PDE4C: variants seen among roughly 807,000 people sequenced by gnomAD.
The protein encoded by PDE4C is 3',5'-cyclic-AMP phosphodiesterase 4C.
A neutral mutation model predicts 63.9 loss-of-function variants in PDE4C; 50 were observed. The ratio of observed to expected loss-of-function variants is 0.78; its 90% CI spans 0.62 to 0.99. The LOEUF is 0.99. PDE4C is among the 50% of genes least tolerant of loss of function. PDE4C has a pLI of 0.00. For synonymous variants in PDE4C, 377 were observed against 385.1 expected, an observed-to-expected ratio of 0.98 and a Z score of 0.25; for missense variants, 777 against 899.1, an observed-to-expected ratio of 0.86 and a Z score of 1.74.
intron 1 of PDE4C, among the ~76,000 whole-genome samples, chr19:18,223,172 A>T (rs1255466295): frequency 6.7e-6 from 1 of 149,856 alleles, no homozygotes; most frequent in African/African-American, 2.5e-5. Context: ...CCTCCCAAGT[A>T]GCTGGGATTA....
chr19:18,249,254 C>A (rs1026055715), upstream of PDE4C, among the ~76,000 whole-genome samples: 1 of 152,118 alleles, frequency 6.6e-6, no homozygotes, highest in Non-Finnish European at 1.5e-5. Flanking sequence ...CAGTGGTAAG[C>A]CACCATGCCC....
intron 3 of PDE4C, 31 bp downstream of exon 3, chr19:18,221,230 G>A (rs747203890): frequency 6.4e-7 from 1 of 1,558,122 alleles, no homozygotes; most frequent in Admixed American, 2.2e-5. Context: ...ATCCGGAGGG[G>A]GTCAGGGCAG....
chr19:18,221,694 G>A (rs935709595), intron 2 of PDE4C, among the ~76,000 whole-genome samples: 4 of 152,000 alleles, frequency 2.6e-5, no homozygotes, highest in Non-Finnish European at 5.9e-5. Flanking sequence ...GTGCCATCTC[G>A]GCTCACTACA....
At chr19:18,221,275 T>G in exon 3 of PDE4C, 1 of 1,543,794 alleles carries the variant, frequency 6.5e-7, no homozygotes. Context: ...GCAAAGGGCG[T>G]CACAATCATG....
At chr19:18,224,160 G>A in intron 1 of PDE4C, 1 of 964,892 alleles carries the variant, frequency 1.0e-6, no homozygotes, top group Non-Finnish European at 1.2e-6. Flanking sequence ...CTTTCCCTCT[G>A]GCTCCTCCTC....
chr19:18,217,153 G>A, intron 11 of PDE4C: 1 of 352,164 alleles, frequency 2.8e-6, no homozygotes, highest in Non-Finnish European at 5.1e-6. Flanking sequence ...TGAGTACTCA[G>A]TAATGTTTTT....
At chr19:18,242,475 CAAAAAAAAAAAAAAA>C (rs748870873) in intron 1 of PDE4C, among the ~76,000 whole-genome samples, 4 of 29,806 alleles carry the variant, frequency 1.3e-4, no homozygotes, top group African/African-American at 4.2e-4. Context: ...GACTCCATCT[CAAAAAAAAAAAAAAA>C]AAAAAAAAAA....
chr19:18,218,892 G>C, intron 9 of PDE4C, 48 bp downstream of exon 9: 1 of 1,335,818 alleles, frequency 7.5e-7, no homozygotes, highest in South Asian at 1.2e-5. Flanking sequence ...GAAGCAGTGA[G>C]GGAAACCCCA....
upstream of PDE4C, chr19:18,252,034 C>T (rs1969236155): frequency 2.5e-6 from 1 of 398,736 alleles, no homozygotes; most frequent in Admixed American, 4.4e-5. Flanking sequence ...CGCCACCTCC[C>T]TACAAACACC....
chr19:18,242,457 CA>C (rs1370951692), intron 1 of PDE4C, among the ~76,000 whole-genome samples: 1 of 79,654 alleles, frequency 1.3e-5, no homozygotes, highest in Non-Finnish European at 2.2e-5. Context: ...GCCTGGGCAA[CA>C]AAGGGAGACT....
upstream of PDE4C, chr19:18,252,425 A>C (rs1185338881): frequency 2.5e-6 from 1 of 398,916 alleles, no homozygotes; most frequent in African/African-American, 2.1e-5. Context: ...AAGAAATCAG[A>C]GAGCTGACAG....
chr19:18,214,682 C>T (rs1010055039), intron 12 of PDE4C, among the ~76,000 whole-genome samples: 7 of 152,100 alleles, frequency 4.6e-5, no homozygotes, highest in African/African-American at 1.7e-4. Context: ...GGCGCCGTGG[C>T]TCACACCTGT....
chr19:18,221,783 C>T (rs2148029829), intron 2 of PDE4C, among the ~76,000 whole-genome samples: 1 of 152,186 alleles, frequency 6.6e-6, no homozygotes, highest in South Asian at 2.1e-4. Context: ...CGCCACCACA[C>T]CTGGCTAATT....
chr19:18,209,700 C>G (rs201036552), downstream of PDE4C: 118 of 19,470 alleles, frequency 6.1e-3, no homozygotes, highest in African/African-American at 0.014. Context: ...TTTTTTTTTT[C>G]TTTTCTTTTT....
intron 1 of PDE4C, among the ~76,000 whole-genome samples, chr19:18,223,630 C>T (rs1968593066): frequency 6.6e-6 from 1 of 152,224 alleles, no homozygotes. Context: ...AGGCATGAGC[C>T]ACCGCACCCG....
chr19:18,221,141 G>T, exon 4 of PDE4C: 1 of 1,522,998 alleles, frequency 6.6e-7, no homozygotes, highest in South Asian at 1.1e-5. Flanking sequence ...GGCAAGGGCC[G>T]CCACGTTGCT....
chr19:18,223,127 C>T (rs1968564814), intron 1 of PDE4C, among the ~76,000 whole-genome samples: 1 of 152,060 alleles, frequency 6.6e-6, no homozygotes, highest in Non-Finnish European at 1.5e-5. Context: ...ACTGCAACCT[C>T]CACCTCCCGG....
intron 1 of PDE4C, among the ~76,000 whole-genome samples, chr19:18,232,246 T>C (rs1371216503): frequency 6.6e-6 from 1 of 151,904 alleles, no homozygotes; most frequent in Non-Finnish European, 1.5e-5. Flanking sequence ...GCCCCTGTAG[T>C]CCCAGCTACT....
chr19:18,233,950 G>A (rs1968903985), upstream of PDE4C, among the ~76,000 whole-genome samples: 1 of 152,176 alleles, frequency 6.6e-6, no homozygotes, highest in Non-Finnish European at 1.5e-5. Flanking sequence ...CCCCAGAAGG[G>A]GTCTCTTTGG....
Sources: gnomAD v4.1 joint callset for allele counts (sites outside exome capture counted in the v4.1 genomes callset) on GRCh38, gnomAD v4.1.1 for gene constraint, MANE v1.5 for transcripts, NCBI Gene and HGNC (gene_info 2026-07-23, HGNC 2026-07-21) for gene names.